The following NBEA variants were observed in gnomAD, a reference collection of about 807,000 sequenced individuals.
NBEA encodes the protein lysosomal-trafficking regulator 2.
In NBEA, 44 loss-of-function variants were observed where a neutral mutation model predicts 343.4. The ratio of observed to expected loss-of-function variants is 0.13; its 90% CI spans 0.10 to 0.16. NBEA has a LOEUF of 0.16. Ranked by LOEUF, NBEA falls within the 10% of genes least tolerant of loss-of-function variation. The pLI, the probability that NBEA is intolerant of heterozygous loss-of-function variation, is 1.00. For missense variants in NBEA, 2,555 were observed against 3,631.3 expected (o/e 0.70, Z 7.62); for synonymous variants, 1,175 against 1,238.7 (o/e 0.95, Z 1.08).
chr13:35,515,755 T>A (rs1355571838), intron 41 of NBEA, among the ~76,000 whole-genome samples: 1 of 152,150 alleles, frequency 6.6e-6, no homozygotes, highest in Admixed American at 6.5e-5. Context: ...ACTGGTTTTT[T>A]TTTTTTAAAT....
intron 1 of NBEA, among the ~76,000 whole-genome samples, chr13:35,022,656 TCTTGGGC>T (rs775548217): frequency 2.6e-5 from 4 of 152,088 alleles, no homozygotes; most frequent in Non-Finnish European, 4.4e-5. Context: ...AATATATATG[TCTTGGGC>T]ATGGTTTCTC....
At chr13:35,062,151 T>C (rs559813036) in intron 8 of NBEA, among the ~76,000 whole-genome samples, 1 of 151,684 alleles carries the variant, frequency 6.6e-6, no homozygotes, top group Non-Finnish European at 1.5e-5. Context: ...AATTTACTTA[T>C]AATGAATTAA....
chr13:35,657,379 C>T (rs915381742), intron 55 of NBEA, among the ~76,000 whole-genome samples: 4 of 152,174 alleles, frequency 2.6e-5, no homozygotes, highest in East Asian at 1.9e-4. Flanking sequence ...TTCAATGTTG[C>T]TTGATTTCCA....
intron 11 of NBEA, among the ~76,000 whole-genome samples, chr13:35,107,231 T>C (rs1027345165): frequency 2.0e-5 from 3 of 151,916 alleles, no homozygotes; most frequent in East Asian, 3.9e-4. Context: ...CCTTTAAATA[T>C]GATTACCCGA....
chr13:34,943,043 G>T lies in NBEA; in HGVS notation c.223G>T (p.Ala75Ser), dbSNP rs767712647. The change falls in exon 1 of 59, where the codon GCA (alanine) becomes TCA (serine). Residue 75 changes from alanine to serine, a missense_variant. By Grantham distance (99) the Ala-to-Ser change is moderately conservative. Transcript: ENST00000379939. ...GATCCGCAACATCCGGATGAAATTC[G>T]CAGTGTTGATTGGACTCATACAGGT... ...VPIRNIRMKF[A>S]VLIGLIQVGE... 3 of 1,613,264 alleles carry T rather than the reference G, an allele frequency of 1.9e-6. No homozygotes were observed. Among genetic ancestry groups the T allele is most frequent in the Non-Finnish European group, 1.7e-6 (2 of 1,179,618 alleles).
intron 38 of NBEA, among the ~76,000 whole-genome samples, chr13:35,404,148 G>A (rs2043139998): frequency 6.6e-6 from 1 of 152,144 alleles, no homozygotes; most frequent in Non-Finnish European, 1.5e-5. Context: ...CTTTTACACT[G>A]TTGGTGGGAC....
intron 36 of NBEA, among the ~76,000 whole-genome samples, chr13:35,335,702 GTTAA>G (rs776389479): frequency 1.6e-3 from 245 of 152,074 alleles, no homozygotes; most frequent in Non-Finnish European, 2.9e-3. Flanking sequence ...GTTAATTAAT[GTTAA>G]TTAATTAACA....
intron 31 of NBEA, among the ~76,000 whole-genome samples, chr13:35,197,790 G>A (rs1220968500): frequency 5.3e-5 from 8 of 152,094 alleles, no homozygotes; most frequent in East Asian, 3.9e-4. Context: ...GTGCGCCACC[G>A]CACCTGGCCG....
At chr13:35,024,984 T>A (rs1415517277) in intron 1 of NBEA, among the ~76,000 whole-genome samples, 1 of 152,208 alleles carries the variant, frequency 6.6e-6, no homozygotes, top group African/African-American at 2.4e-5. Context: ...TTGAGAGGTG[T>A]CTGTTCGTGT....
At chr13:35,480,393 A>G (rs969804558) in intron 41 of NBEA, among the ~76,000 whole-genome samples, 2 of 152,118 alleles carry the variant, frequency 1.3e-5, no homozygotes, top group Non-Finnish European at 2.9e-5. Flanking sequence ...ATGTTCACAA[A>G]TCTCAGTAAT....
chr13:35,420,636 AG>A (rs2044214587), intron 38 of NBEA, among the ~76,000 whole-genome samples: 2 of 152,144 alleles, frequency 1.3e-5, no homozygotes, highest in Admixed American at 1.3e-4. Flanking sequence ...GAAACTATCT[AG>A]GCCTGGAGAT....
At chr13:35,284,738 G>GT (rs1203372581) in intron 34 of NBEA, among the ~76,000 whole-genome samples, 1 of 152,130 alleles carries the variant, frequency 6.6e-6, no homozygotes, top group Non-Finnish European at 1.5e-5. Context: ...TTAGATCTTA[G>GT]TAAGTTCAGG....
chr13:35,144,120 G>A (rs986289772), intron 18 of NBEA, among the ~76,000 whole-genome samples: 2 of 152,062 alleles, frequency 1.3e-5, no homozygotes, highest in African/African-American at 4.8e-5. Flanking sequence ...GTTTCTTTGG[G>A]TTCTTTTAAG....
At chr13:35,552,904 T>C (rs79817302) in intron 43 of NBEA, among the ~76,000 whole-genome samples, 1 of 152,098 alleles carries the variant, frequency 6.6e-6, no homozygotes, top group Admixed American at 6.6e-5. Context: ...CTTTTTTTTT[T>C]CTTTGAGACA....
intron 38 of NBEA, among the ~76,000 whole-genome samples, chr13:35,416,650 G>A (rs150299280): frequency 0.014 from 2,098 of 152,258 alleles, 31 homozygotes; most frequent in South Asian, 0.039. Context: ...GTATTTTATT[G>A]AGGATTTTTG....
At chr13:35,141,917 T>C (rs73167775) in intron 17 of NBEA, among the ~76,000 whole-genome samples, 6,849 of 152,326 alleles carry the variant, frequency 0.045, 206 homozygotes, top group South Asian at 0.067. Flanking sequence ...TTAAAAATTA[T>C]GTGGTCTGTA....
At chr13:35,005,078 G>A (rs186604096) in intron 1 of NBEA, among the ~76,000 whole-genome samples, 133 of 152,162 alleles carry the variant, frequency 8.7e-4, no homozygotes, top group African/African-American at 3.1e-3. Context: ...CATGTGAAAT[G>A]GTAAACTGTA....
chr13:35,190,377 C>T (rs959292471), intron 30 of NBEA, among the ~76,000 whole-genome samples: 2 of 152,088 alleles, frequency 1.3e-5, no homozygotes, highest in Non-Finnish European at 2.9e-5. Context: ...CAGTCTCTCA[C>T]CTTTGGCTGA....
intron 41 of NBEA, among the ~76,000 whole-genome samples, chr13:35,540,977 T>C (rs1222807416): frequency 6.6e-6 from 1 of 152,194 alleles, no homozygotes; most frequent in Non-Finnish European, 1.5e-5. Flanking sequence ...CAGTGATTTC[T>C]AAAGTGCCAG....
Sources: allele counts gnomAD v4.1 joint callset (sites outside exome capture counted in the v4.1 genomes callset), GRCh38; gene constraint gnomAD v4.1.1; transcripts MANE v1.5; gene names NCBI Gene and HGNC (gene_info 2026-07-23, HGNC 2026-07-21).